PTPRD: variants seen among roughly 807,000 people sequenced by gnomAD.
PTPRD encodes the protein protein tyrosine phosphatase receptor type D.
Under a neutral mutation model 214.5 loss-of-function variants are expected in PTPRD, and 34 were observed. The observed-to-expected ratio is 0.16, with a 90% CI of 0.12 to 0.21. The LOEUF is 0.21. Ranked by LOEUF, PTPRD falls within the 10% of genes least tolerant of loss-of-function variation. The probability of loss-of-function intolerance (pLI) is 1.00; values close to 1 mark genes in which losing one functional copy is unlikely to be tolerated. For missense variants in PTPRD, 2,545 were observed against 2,398.7 expected (o/e 1.06, Z -1.27); for synonymous variants, 1,128 against 845.7 (o/e 1.33, Z -5.79).
At chr9:9,780,144 G>A (rs2098831698) in intron 5 of PTPRD, among the ~76,000 whole-genome samples, 3 of 152,270 alleles carry the variant, frequency 2.0e-5, no homozygotes, top group African/African-American at 7.2e-5. Flanking sequence ...ATAATCCTGA[G>A]TTAACACAGA....
At chr9:10,045,627 T>G (rs2097374036) in intron 3 of PTPRD, among the ~76,000 whole-genome samples, 1 of 151,728 alleles carries the variant, frequency 6.6e-6, no homozygotes, top group African/African-American at 2.4e-5. Context: ...ATGAATAAAA[T>G]ACATTTAGCT....
At chr9:10,557,570 A>C (rs1008053108) in intron 2 of PTPRD, among the ~76,000 whole-genome samples, 1 of 152,122 alleles carries the variant, frequency 6.6e-6, no homozygotes, top group Non-Finnish European at 1.5e-5. Flanking sequence ...ACTGTCCCCA[A>C]ATCTCCAAAC....
At chr9:10,586,942 A>T (rs1477342018) in intron 2 of PTPRD, among the ~76,000 whole-genome samples, 1 of 152,054 alleles carries the variant, frequency 6.6e-6, no homozygotes, top group Non-Finnish European at 1.5e-5. Context: ...ACATGATAAT[A>T]CCCTGGCTAT....
At chr9:8,582,070 T>C (rs962263682) in intron 14 of PTPRD, among the ~76,000 whole-genome samples, 11 of 151,960 alleles carry the variant, frequency 7.2e-5, no homozygotes, top group Non-Finnish European at 1.5e-4. Context: ...ATATAAACTA[T>C]TGGAAGTGAC....
intron 2 of PTPRD, among the ~76,000 whole-genome samples, chr9:10,487,621 A>G (rs1350245397): frequency 1.3e-5 from 2 of 151,776 alleles, no homozygotes; most frequent in East Asian, 2.0e-4. Flanking sequence ...CAAATACGGC[A>G]TGTTCTCACT....
At chr9:9,918,280 A>G (rs114306064) in intron 5 of PTPRD, among the ~76,000 whole-genome samples, 1 of 151,428 alleles carries the variant, frequency 6.6e-6, no homozygotes, top group East Asian at 1.9e-4. Context: ...AAAGTAATCA[A>G]GAAAACTATC....
At chr9:9,840,537 G>C (rs547921847) in intron 5 of PTPRD, among the ~76,000 whole-genome samples, 1 of 151,804 alleles carries the variant, frequency 6.6e-6, no homozygotes, top group African/African-American at 2.4e-5. Context: ...ATTGGAGTAA[G>C]GAGCCAAAAG....
intron 4 of PTPRD, among the ~76,000 whole-genome samples, chr9:9,981,526 T>G (rs1588089263): frequency 1.6e-5 from 1 of 62,310 alleles, no homozygotes; most frequent in African/African-American, 4.8e-5. Flanking sequence ...GGCTAATTTT[T>G]TTTTGTATTT....
At chr9:9,881,111 A>C (rs573379488) in intron 5 of PTPRD, among the ~76,000 whole-genome samples, 2 of 152,296 alleles carry the variant, frequency 1.3e-5, no homozygotes, top group African/African-American at 4.8e-5. Context: ...TGGGCAGTGA[A>C]GTGAAACTTC....
intron 8 of PTPRD, among the ~76,000 whole-genome samples, chr9:9,502,930 T>C (rs1240908766): frequency 6.6e-6 from 1 of 151,886 alleles, no homozygotes; most frequent in African/African-American, 2.4e-5. Context: ...TGGGATTAGA[T>C]TGACTGCAAA....
rs772384159 is a variant in PTPRD, at chr9:9,683,525, CA to C, written c.-287+51007del. ...TTTTTTCCTTCCTATAAAAACAATTCAAGAAGCGACAATGCATATAAAGCAT... is the reference window on the plus strand; with the variant it reads ...TTTTTTCCTTCCTATAAAAACAATTCAGAAGCGACAATGCATATAAAGCAT... On this transcript the variant is annotated intron_variant, in intron 7 of 45. Coordinates refer to ENST00000381196, the MANE Select transcript of PTPRD (RefSeq NM_002839.4). Among the ~76,000 whole-genome samples the C allele has an allele frequency of 1.5e-3, 231 of 151,704 alleles. 2 individuals are homozygous for C. The highest frequency in any genetic ancestry group is 1.7e-3 in the Non-Finnish European group (117 of 67,738).
At chr9:10,483,833 T>C (rs915536102) in intron 2 of PTPRD, among the ~76,000 whole-genome samples, 2 of 152,122 alleles carry the variant, frequency 1.3e-5, no homozygotes, top group African/African-American at 4.8e-5. Context: ...GGTGAGAATG[T>C]AAATTAATAC....
intron 2 of PTPRD, among the ~76,000 whole-genome samples, chr9:10,607,960 G>T (rs1358919): frequency 0.81 from 122,886 of 151,744 alleles, 52,666 homozygotes; most frequent in Non-Finnish European, 0.94. Flanking sequence ...TATAGCATGT[G>T]AGATGGTACT....
chr9:8,830,651 G>A (rs1204572153), intron 11 of PTPRD, among the ~76,000 whole-genome samples: 1 of 152,146 alleles, frequency 6.6e-6, no homozygotes, highest in Non-Finnish European at 1.5e-5. Context: ...GAGGGGGCAT[G>A]TTCCTCCCAG....
intron 2 of PTPRD, among the ~76,000 whole-genome samples, chr9:10,375,075 T>C (rs962046832): frequency 6.0e-5 from 9 of 150,238 alleles, no homozygotes; most frequent in African/African-American, 1.9e-4. Context: ...AGGTTCTTTA[T>C]GTAAATTGGC....
chr9:9,954,072 G>A (rs1451148072), intron 4 of PTPRD, among the ~76,000 whole-genome samples: 2 of 151,874 alleles, frequency 1.3e-5, no homozygotes, highest in East Asian at 1.9e-4. Flanking sequence ...GGAGGCAGGT[G>A]GATCACTGAG....
chr9:9,011,352 G>T lies in PTPRD; in HGVS notation c.-104+7345C>A, dbSNP rs557891796. Among the ~76,000 whole-genome samples, 5 of 152,184 alleles carry T rather than the reference G, an allele frequency of 3.3e-5. No individual in the cohort carries two copies. The South Asian group carries it at 8.3e-4, about 25-fold the overall frequency. On this transcript the variant is annotated intron_variant, in intron 11 of 45. Transcript: ENST00000381196. Reference sequence around the variant, plus strand: ...CATTTAAATATCATAGAATTAAGTGGTTATTTGAGAAAACAGACCTATGGA... The same window carrying T: ...CATTTAAATATCATAGAATTAAGTGTTTATTTGAGAAAACAGACCTATGGA...
Position 8,791,024 on chromosome 9 carries a change from C to A in PTPRD, c.-103-57078G>T, listed in dbSNP as rs1177469543. The stretch of plus-strand genomic sequence containing the variant: ...CTGCTATAGCCAATAAAGACTCACA[C>A]CATATTTGAAGCTGGTGAATATCAA... On this transcript the variant is annotated intron_variant, in intron 11 of 45. Coordinates refer to ENST00000381196, the MANE Select transcript of PTPRD (RefSeq NM_002839.4). 5.3e-5 allele frequency among the ~76,000 whole-genome samples: 8 copies of A among 152,054 alleles called. No homozygotes were observed. The South Asian group carries it at 1.5e-3, about 28-fold the overall frequency.
At chr9:8,880,913 G>A (rs1368059053) in intron 11 of PTPRD, among the ~76,000 whole-genome samples, 3 of 151,950 alleles carry the variant, frequency 2.0e-5, no homozygotes, top group African/African-American at 4.8e-5. Flanking sequence ...ACACTACCAT[G>A]CCCGGCTTAT....
Sources: allele counts gnomAD v4.1 joint callset (sites outside exome capture counted in the v4.1 genomes callset), GRCh38; gene constraint gnomAD v4.1.1; transcripts MANE v1.5; gene names NCBI Gene and HGNC (gene_info 2026-07-23, HGNC 2026-07-21).